The following ACSF2 variants were observed in gnomAD, a reference collection of about 807,000 sequenced individuals.
ACSF2 encodes acyl-CoA synthetase family member 2.
A neutral mutation model predicts 79.3 loss-of-function variants in ACSF2; 52 were observed. That is an observed-to-expected ratio of 0.66 (90% CI 0.53 to 0.83). ACSF2 has a LOEUF of 0.83. Among genes scored for constraint, ACSF2 ranks in the 40% least tolerant of loss-of-function variants. The pLI is 0.00. For synonymous variants in ACSF2, 283 were observed against 312.6 expected, an observed-to-expected ratio of 0.91 and a Z score of 1.00; for missense variants, 661 against 803.3, an observed-to-expected ratio of 0.82 and a Z score of 2.14.
intron 1 of ACSF2, among the ~76,000 whole-genome samples, chr17:50,427,580 T>G (rs1598382049): frequency 6.6e-6 from 1 of 152,154 alleles, no homozygotes; most frequent in East Asian, 1.9e-4. Context: ...CTTAAGCCTC[T>G]CCTCTGGACT....
At position 50,463,340 on chromosome 17, in the gene ACSF2, A is replaced by G; in HGVS notation, c.889-55A>G. 1 of 1,610,826 alleles carries G rather than the reference A, an allele frequency of 6.2e-7. No individual in the cohort carries two copies. Among genetic ancestry groups the G allele is most frequent in the Non-Finnish European group, 8.5e-7 (1 of 1,178,152 alleles). On this transcript the variant is annotated intron_variant, in intron 7 of 15. Coordinates refer to ENST00000300441, the MANE Select transcript of ACSF2 (RefSeq NM_025149.6). The surrounding 1 kb of genome is among the most constrained non-coding windows in gnomAD (Gnocchi z 4.6). ...TGGCTGGGCTCCCCTTGCCAGCTAG[A>G]GAGGAACTGGCGTCTGGCTCCAAGA... is the stretch of plus-strand genomic sequence containing the variant.
intron 1 of ACSF2, among the ~76,000 whole-genome samples, chr17:50,432,049 G>A (rs1020052169): frequency 3.3e-5 from 5 of 151,892 alleles, no homozygotes; most frequent in African/African-American, 9.7e-5. Flanking sequence ...ACAGGCCTGC[G>A]TCACTACACC....
intron 10 of ACSF2, among the ~76,000 whole-genome samples, chr17:50,467,411 A>G (rs1490391731): frequency 6.6e-6 from 1 of 152,208 alleles, no homozygotes; most frequent in Non-Finnish European, 1.5e-5. Context: ...CCTTGGTCCC[A>G]CGCCTACTGA....
intron 12 of ACSF2, chr17:50,473,358 T>C (rs1417192784): frequency 1.2e-5 from 4 of 332,122 alleles, no homozygotes; most frequent in South Asian, 1.0e-4. Context: ...TTCCCTTAGA[T>C]TGAGTGGACA....
At chr17:50,443,203 C>G (rs760890397) in intron 1 of ACSF2, among the ~76,000 whole-genome samples, 1 of 152,088 alleles carries the variant, frequency 6.6e-6, no homozygotes, top group Admixed American at 6.5e-5. Context: ...CCACCGCGCC[C>G]GGCCAGGTTT....
intron 10 of ACSF2, chr17:50,467,793 C>T: frequency 2.2e-6 from 1 of 453,970 alleles, no homozygotes; most frequent in Non-Finnish European, 3.9e-6. Context: ...TTTGTGGGGC[C>T]AGGGCAGTCC....
intron 10 of ACSF2, chr17:50,465,213 A>C: frequency 6.4e-7 from 1 of 1,550,594 alleles, no homozygotes; most frequent in Non-Finnish European, 8.8e-7. Context: ...CTCCAGGGCC[A>C]GGGGGTATCC....
At chr17:50,443,835 A>G (rs1353595166) in intron 1 of ACSF2, among the ~76,000 whole-genome samples, 1 of 152,138 alleles carries the variant, frequency 6.6e-6, no homozygotes, top group African/African-American at 2.4e-5. Flanking sequence ...AATCTTCTCT[A>G]CTTGGGGAGT....
chr17:50,474,227 T>A lies in ACSF2; in HGVS notation c.1757T>A (p.Ile586Asn). Residue 586 changes from isoleucine to asparagine, a missense_variant, in exon 15 of 16, where the codon ATC (isoleucine) becomes AAC (asparagine). Ile to Asn is a moderately radical substitution (Grantham distance 149, BLOSUM62 -3). Coordinates refer to ENST00000300441, the MANE Select transcript of ACSF2 (RefSeq NM_025149.6). The surrounding 1 kb of genome is among the most constrained non-coding windows in gnomAD (Gnocchi z 4.2). Reference protein sequence around the residue: ...KISHFKIPKYIVFVTNYPLTI... With the variant: ...KISHFKIPKYNVFVTNYPLTI... The stretch of plus-strand genomic sequence containing the variant: ...TCTCACTTCAAGATTCCGAAGTACA[T>A]CGTGTTTGTCACAAACTACCCCCTC... 3 of 1,614,210 alleles carry A rather than the reference T, an allele frequency of 1.9e-6. No individual in the cohort carries two copies. The highest frequency in any genetic ancestry group is 2.5e-6 in the Non-Finnish European group (3 of 1,180,032).
At position 50,426,381 on chromosome 17, in the gene ACSF2, C is replaced by A; in HGVS notation, c.120C>A (p.Arg40=). The A allele has an allele frequency of 7.3e-7, 1 of 1,371,910 alleles. No individual in the cohort carries two copies. Among genetic ancestry groups the A allele is most frequent in the Admixed American group, 3.1e-5 (1 of 31,886 alleles). The allele number at this position is 1,371,910 out of a possible 1,614,324, so 85.0% of individuals were successfully genotyped here. A position where few individuals can be genotyped will look rare whatever the true frequency, so the allele number is the denominator to read the frequency against. The change falls in exon 1 of 16, where the codon CGC becomes CGA. Residue 40 remains arginine (R), a synonymous_variant. Transcript: ENST00000300441. ...AGGAAGCCAGGTTGCAGGGTGTCCG[C>A]TTCCTCAGGTACTGGCCCCCCGCGG... ...SWQEARLQGV[R]FLSSREVDRM... is the part of the protein sequence containing the mutation.
chr17:50,468,111 G>A, intron 10 of ACSF2: 5 of 1,614,058 alleles, frequency 3.1e-6, no homozygotes, highest in Non-Finnish European at 4.2e-6. Flanking sequence ...GCATTGTCCG[G>A]GATGCTTTTC....
chr17:50,468,745 G>A (rs762770139), intron 10 of ACSF2: 11 of 1,604,768 alleles, frequency 6.9e-6, no homozygotes, highest in African/African-American at 5.3e-5. Flanking sequence ...AGTTCTGGGG[G>A]CAGGCGGCCA....
At chr17:50,449,582 A>ATT (rs78156279) in intron 1 of ACSF2, among the ~76,000 whole-genome samples, 88 of 130,800 alleles carry the variant, frequency 6.7e-4, no homozygotes, top group African/African-American at 2.3e-3. Flanking sequence ...TTTTTTTTGT[A>ATT]TTTTTTTTTT....
At chr17:50,444,477 C>T (rs1013833604) in intron 1 of ACSF2, among the ~76,000 whole-genome samples, 1 of 152,052 alleles carries the variant, frequency 6.6e-6, no homozygotes, top group Non-Finnish European at 1.5e-5. Flanking sequence ...ATCATTTGAA[C>T]CAGGGAGGTA....
intron 1 of ACSF2, among the ~76,000 whole-genome samples, chr17:50,456,270 C>T (rs2031989693): frequency 6.6e-6 from 1 of 152,136 alleles, no homozygotes; most frequent in South Asian, 2.1e-4. Context: ...GGAGAAGGCT[C>T]TTGTCTGCAG....
chr17:50,438,571 T>C (rs1444691274), intron 1 of ACSF2, among the ~76,000 whole-genome samples: 1 of 152,130 alleles, frequency 6.6e-6, no homozygotes, highest in African/African-American at 2.4e-5. Context: ...ATTTTTCTTT[T>C]TCTTTTTTTT....
chr17:50,468,810 C>T, intron 10 of ACSF2: 1 of 1,531,516 alleles, frequency 6.5e-7, no homozygotes, highest in Non-Finnish European at 8.7e-7. Context: ...ATTGGGCGGA[C>T]CATGGCTGGG....
In ACSF2 at chr17:50,474,469, C is replaced by A; in HGVS notation, c.1798-33C>A. 1 of 1,610,266 alleles carries A rather than the reference C, an allele frequency of 6.2e-7. No homozygotes were observed. The highest frequency in any genetic ancestry group is 8.5e-7 in the Non-Finnish European group (1 of 1,176,574). The stretch of plus-strand genomic sequence containing the variant: ...CTTATTCTTGGGTGAACCAAGACAG[C>A]TGGTAACCCTAACTCCATTTTCTTT... On this transcript the variant is annotated intron_variant, in intron 15 of 15. Coordinates refer to ENST00000300441, the MANE Select transcript of ACSF2 (RefSeq NM_025149.6). This position sits in a 1 kb window ranked among gnomAD's most constrained non-coding sequence, Gnocchi z 4.2.
rs2033136808 is a variant in ACSF2 at position 50,471,876 on chromosome 17, CACTAAGAT to C, written c.1324-551_1324-544del. The C allele has an allele frequency of 6.4e-6, 1 of 156,154 alleles. No individual in the cohort carries two copies. Among genetic ancestry groups the C allele is most frequent in the South Asian group, 2.0e-4 (1 of 5,042 alleles). 9.7% of individuals were successfully genotyped at this position (156,154 alleles called of 1,614,324 possible). On this transcript the variant is annotated intron_variant, in intron 11 of 15. Transcript: ENST00000300441. This position sits in a 1 kb window ranked among gnomAD's most constrained non-coding sequence, Gnocchi z 4.1. ...TGTGCTACAGCTGCACTGCCACTGT[CACTAAGAT>C]GCCCACCTGGAAGGGAAACAGGGGC...
Sources: allele counts gnomAD v4.1 joint callset (sites outside exome capture counted in the v4.1 genomes callset), GRCh38; gene constraint gnomAD v4.1.1; non-coding constraint Gnocchi (gnomAD v3.1); transcripts MANE v1.5; gene names NCBI Gene and HGNC (gene_info 2026-07-23, HGNC 2026-07-21).